The following GPC5 variants were observed in gnomAD, a reference collection of about 807,000 sequenced individuals.
The protein encoded by GPC5 is glypican-5.
A neutral mutation model predicts 53.9 loss-of-function variants in GPC5; 47 were observed. The observed-to-expected ratio is 0.87, with a 90% CI of 0.69 to 1.11. The LOEUF (loss-of-function observed/expected upper bound fraction) is 1.11. Among genes scored for constraint, GPC5 ranks in the 50% most tolerant of loss-of-function variants. The probability of loss-of-function intolerance (pLI) is 0.00; values close to 1 mark genes in which losing one functional copy is unlikely to be tolerated. For missense variants in GPC5, 748 were observed against 713.1 expected, an observed-to-expected ratio of 1.05 and a Z score of -0.56; for synonymous variants, 286 against 263.3, an observed-to-expected ratio of 1.09 and a Z score of -0.84.
At chr13:92,596,885 T>C (rs984194738) in intron 7 of GPC5, among the ~76,000 whole-genome samples, 2 of 152,184 alleles carry the variant, frequency 1.3e-5, no homozygotes, top group African/African-American at 4.8e-5. Context: ...GAAAATTGAA[T>C]AACTTAAAGA....
At chr13:92,697,365 T>C in intron 7 of GPC5, among the ~76,000 whole-genome samples, 1 of 150,370 alleles carries the variant, frequency 6.7e-6, no homozygotes, top group South Asian at 2.1e-4. Context: ...GTGTCCTCTC[T>C]TATTTCCTTG....
At chr13:92,002,389 A>G (rs1594717070) in intron 6 of GPC5, among the ~76,000 whole-genome samples, 1 of 152,342 alleles carries the variant, frequency 6.6e-6, no homozygotes, top group East Asian at 1.9e-4. Flanking sequence ...TTAAAATATT[A>G]TCTTTTTACA....
intron 7 of GPC5, among the ~76,000 whole-genome samples, chr13:92,718,088 G>T (rs182860497): frequency 6.6e-6 from 1 of 152,254 alleles, no homozygotes; most frequent in Non-Finnish European, 1.5e-5. Context: ...GGGAACGCTT[G>T]TACATTGCTA....
intron 2 of GPC5, among the ~76,000 whole-genome samples, chr13:91,542,455 G>A (rs1424890443): frequency 1.3e-5 from 2 of 152,198 alleles, no homozygotes; most frequent in Non-Finnish European, 2.9e-5. Flanking sequence ...TTGGTAAAAC[G>A]TGAACTATGT....
chr13:92,557,150 A>G (rs1222082677), intron 7 of GPC5, among the ~76,000 whole-genome samples: 1 of 151,520 alleles, frequency 6.6e-6, no homozygotes, highest in Non-Finnish European at 1.5e-5. Flanking sequence ...GCGCTATTCT[A>G]GCCCCTTTTG....
chr13:91,859,923 T>C (rs1033951696), intron 5 of GPC5, among the ~76,000 whole-genome samples: 1 of 152,120 alleles, frequency 6.6e-6, no homozygotes, highest in Admixed American at 6.5e-5. Context: ...TTTTATTTTA[T>C]TTTTTAATTG....
intron 5 of GPC5, among the ~76,000 whole-genome samples, chr13:91,839,629 C>T (rs1250410009): frequency 6.6e-6 from 1 of 151,988 alleles, no homozygotes; most frequent in Admixed American, 6.6e-5. Context: ...TCAAACAGTC[C>T]TTCATCCTGC....
At chr13:91,509,828 A>G (rs1041400285) in intron 2 of GPC5, among the ~76,000 whole-genome samples, 3 of 152,142 alleles carry the variant, frequency 2.0e-5, no homozygotes, top group Non-Finnish European at 2.9e-5. Context: ...TATCAGATGT[A>G]TCTAAGAAGC....
intron 7 of GPC5, among the ~76,000 whole-genome samples, chr13:92,432,366 T>G (rs925003542): frequency 2.7e-5 from 4 of 146,334 alleles, no homozygotes; most frequent in South Asian, 2.2e-4. Flanking sequence ...GGTTTTTTTT[T>G]TTTTTTTTTT....
At chr13:91,605,089 CTAA>C (rs2033317508) in intron 2 of GPC5, among the ~76,000 whole-genome samples, 1 of 64,192 alleles carries the variant, frequency 1.6e-5, no homozygotes. Flanking sequence ...GGTTTTAGGT[CTAA>C]CGTTTAAGTC....
chr13:91,559,011 T>A (rs561573407), intron 2 of GPC5, among the ~76,000 whole-genome samples: 134 of 152,214 alleles, frequency 8.8e-4, no homozygotes, highest in Non-Finnish European at 1.4e-3. Context: ...GTCAAATTAC[T>A]ATGAGGGTTT....
At chr13:91,913,265 G>A (rs887995636) in intron 6 of GPC5, among the ~76,000 whole-genome samples, 1 of 151,942 alleles carries the variant, frequency 6.6e-6, no homozygotes, top group East Asian at 1.9e-4. Flanking sequence ...TGGGCATTGT[G>A]GCGTGCACCT....
intron 5 of GPC5, among the ~76,000 whole-genome samples, chr13:91,790,131 C>G (rs1594566327): frequency 6.6e-6 from 1 of 152,114 alleles, no homozygotes; most frequent in Admixed American, 6.6e-5. Context: ...CAACATTCAT[C>G]TTTTATATTT....
intron 5 of GPC5, among the ~76,000 whole-genome samples, chr13:91,875,985 G>A (rs557654025): frequency 3.3e-5 from 5 of 152,284 alleles, no homozygotes; most frequent in African/African-American, 1.2e-4. Context: ...ATCATTGAGG[G>A]GAGTCTTTCC....
Position 91,907,994 on chromosome 13 carries a change from C to A in GPC5, c.1338C>A (p.Val446=). 1 of 1,593,910 alleles carries A rather than the reference C, an allele frequency of 6.3e-7. No homozygotes were observed. The highest frequency in any genetic ancestry group is 8.5e-7 in the Non-Finnish European group (1 of 1,177,210). Residue 446 remains valine (V), a synonymous_variant, in exon 6 of 8, where the codon GTC becomes GTA. Coordinates refer to ENST00000377067, the MANE Select transcript of GPC5 (RefSeq NM_004466.6). The part of the protein sequence containing the change: ...GIKAQSGNPE[V]KVKGIDPVIN... ...AAGCCCAGTCTGGAAATCCTGAAGT[C>A]AAAGTCAAAGGAATTGATCCTGTGA...
intron 6 of GPC5, among the ~76,000 whole-genome samples, chr13:92,061,718 A>C (rs914831296): frequency 6.6e-6 from 1 of 151,976 alleles, no homozygotes; most frequent in Admixed American, 6.5e-5. Flanking sequence ...AATGGAAGAC[A>C]TTGGCTGTGT....
intron 7 of GPC5, among the ~76,000 whole-genome samples, chr13:92,498,444 T>C (rs776270468): frequency 2.2e-4 from 34 of 152,164 alleles, no homozygotes; most frequent in Non-Finnish European, 4.4e-4. Context: ...CTTAGTGGCA[T>C]ACATGAGCCC....
At chr13:92,748,535 C>T (rs1889299608) in intron 7 of GPC5, among the ~76,000 whole-genome samples, 1 of 151,734 alleles carries the variant, frequency 6.6e-6, no homozygotes, top group African/African-American at 2.4e-5. Context: ...CTTGGCCAGG[C>T]TGGTCTTGAA....
chr13:92,021,056 A>G (rs1487174503), intron 6 of GPC5, among the ~76,000 whole-genome samples: 1 of 152,150 alleles, frequency 6.6e-6, no homozygotes, highest in Admixed American at 6.6e-5. Flanking sequence ...CCAGTTTTCA[A>G]CACCATTTGT....
Sources: allele counts gnomAD v4.1 joint callset (sites outside exome capture counted in the v4.1 genomes callset), GRCh38; gene constraint gnomAD v4.1.1; transcripts MANE v1.5; gene names NCBI Gene and HGNC (gene_info 2026-07-23, HGNC 2026-07-21).